The following KCNH8 variants were observed in gnomAD, a reference collection of about 807,000 sequenced individuals.
The protein encoded by KCNH8 is potassium voltage-gated channel subfamily H member 8.
In KCNH8, 70 loss-of-function variants were observed where a neutral mutation model predicts 103.6. The ratio of observed to expected loss-of-function variants is 0.68; its 90% confidence interval spans 0.56 to 0.82. The LOEUF (loss-of-function observed/expected upper bound fraction) is 0.82. Among genes scored for constraint, KCNH8 ranks in the 40% least tolerant of loss-of-function variants. The probability of loss-of-function intolerance (pLI) is 0.00; values close to 1 mark genes in which losing one functional copy is unlikely to be tolerated. For missense variants in KCNH8, 1,217 were observed against 1,329.9 expected, an observed-to-expected ratio of 0.92 and a Z score of 1.32; for synonymous variants, 498 against 489.4, an observed-to-expected ratio of 1.02 and a Z score of -0.23.
At chr3:19,183,573 A>G (rs1181546318) in intron 1 of KCNH8, among the ~76,000 whole-genome samples, 1 of 152,198 alleles carries the variant, frequency 6.6e-6, no homozygotes, top group Non-Finnish European at 1.5e-5. Flanking sequence ...ATAAACAAAT[A>G]ACTAAAATTT....
At chr3:19,506,836 A>T (rs545990614) in intron 11 of KCNH8, among the ~76,000 whole-genome samples, 86 of 151,880 alleles carry the variant, frequency 5.7e-4, no homozygotes, top group African/African-American at 1.9e-3. Flanking sequence ...AGCTGGGGGC[A>T]CCCTACCTGA....
At position 19,227,057 on chromosome 3, in the gene KCNH8, A is replaced by G. The variant is rs376806010; in HGVS notation, c.77-26597A>G. 1.3e-4 allele frequency among the ~76,000 whole-genome samples: 20 copies of G among 152,232 alleles called. No individual in the cohort carries two copies. In the East Asian group the frequency reaches 2.7e-3, roughly 21 times the overall value. ...CCAGTGACACTTTCAAATCATTGCAATCACTGGAATTTATTGTTTATACTC... is the reference window on the plus strand; with the variant it reads ...CCAGTGACACTTTCAAATCATTGCAGTCACTGGAATTTATTGTTTATACTC... On this transcript the variant is annotated intron_variant, in intron 1 of 15. Transcript: ENST00000328405.
chr3:19,448,982 A>T, intron 8 of KCNH8: 1 of 1,285,492 alleles, frequency 7.8e-7, no homozygotes, highest in Non-Finnish European at 1.0e-6. Flanking sequence ...TGGTTTAGAA[A>T]CCATTTCGGT....
chr3:19,530,396 AT>A lies in KCNH8; in HGVS notation c.2620-2998del, dbSNP rs146496984. 4.7e-3 allele frequency among the ~76,000 whole-genome samples: 721 copies of A among 152,290 alleles called. 9 individuals are homozygous for A. The highest frequency in any genetic ancestry group is 0.016 in the African/African-American group (677 of 41,562). On this transcript the variant is annotated intron_variant, in intron 15 of 15. Coordinates refer to ENST00000328405, the MANE Select transcript of KCNH8 (RefSeq NM_144633.3). ...ATTATACACTGTATTCATATATAAAATATCACATGCATCCTATAAATATGTA... is the reference window on the plus strand; with the variant it reads ...ATTATACACTGTATTCATATATAAAAATCACATGCATCCTATAAATATGTA...
rs372400109 is a variant in KCNH8, at chr3:19,454,144, CTGTGTGTGTGTGTGTG to C, written c.1826-2586_1826-2571del. The stretch of plus-strand genomic sequence containing the variant: ...GTAACTCAATATTAGAGTAAGGCTT[CTGTGTGTGTGTGTGTG>C]TGTGTGTGTGTGTGTGTGTGTGTGT... On this transcript the variant is annotated intron_variant, in intron 10 of 15. Coordinates refer to ENST00000328405, the MANE Select transcript of KCNH8 (RefSeq NM_144633.3). Among the ~76,000 whole-genome samples, 151 of 131,604 alleles carry C rather than the reference CTGTGTGTGTGTGTGTG, an allele frequency of 1.1e-3. 1 individual carries two copies. Among genetic ancestry groups the C allele is most frequent in the East Asian group, 5.0e-3 (22 of 4,412 alleles). 86.3% of individuals were successfully genotyped at this position (131,604 alleles called of 152,430 possible).
At chr3:19,440,098 C>G (rs1305032844) in intron 8 of KCNH8, among the ~76,000 whole-genome samples, 1 of 151,958 alleles carries the variant, frequency 6.6e-6, no homozygotes, top group Non-Finnish European at 1.5e-5. Flanking sequence ...CTAAGGAGAA[C>G]CAACATATGT....
chr3:19,515,319 T>G lies in KCNH8; in HGVS notation c.2436-3T>G. The stretch of plus-strand genomic sequence containing the variant: ...GCCAGCCAATTTCCTTTATTTTAAG[T>G]AGGATTGTTGATGGAATTGAAGATG... On this transcript the variant is annotated splice_region_variant and splice_polypyrimidine_tract_variant and intron_variant, in intron 13 of 15. Coordinates refer to ENST00000328405, the MANE Select transcript of KCNH8 (RefSeq NM_144633.3). The G allele has an allele frequency of 6.4e-7, 1 of 1,559,054 alleles. No individual in the cohort carries two copies. Among genetic ancestry groups the G allele is most frequent in the South Asian group, 1.2e-5 (1 of 85,310 alleles).
At chr3:19,198,839 A>T (rs1208001551) in intron 1 of KCNH8, among the ~76,000 whole-genome samples, 1 of 152,088 alleles carries the variant, frequency 6.6e-6, no homozygotes. Flanking sequence ...GAGATGAATT[A>T]GCTGTCTCAC....
At chr3:19,400,565 C>A (rs954640724) in intron 7 of KCNH8, among the ~76,000 whole-genome samples, 1 of 151,818 alleles carries the variant, frequency 6.6e-6, no homozygotes, top group African/African-American at 2.4e-5. Flanking sequence ...TATCTCTTAC[C>A]CTTTGGCTGG....
At chr3:19,497,530 T>C (rs2068470192) in intron 11 of KCNH8, among the ~76,000 whole-genome samples, 1 of 152,312 alleles carries the variant, frequency 6.6e-6, no homozygotes, top group African/African-American at 2.4e-5. Flanking sequence ...GTTGTTTAAT[T>C]TCCATGTAAC....
At chr3:19,255,437 C>T (rs2064334788) in intron 2 of KCNH8, among the ~76,000 whole-genome samples, 1 of 152,048 alleles carries the variant, frequency 6.6e-6, no homozygotes, top group Admixed American at 6.6e-5. Flanking sequence ...TCCTCTTTTC[C>T]TATTTGAATA....
chr3:19,501,567 C>G (rs746305599), intron 11 of KCNH8, among the ~76,000 whole-genome samples: 19 of 152,186 alleles, frequency 1.2e-4, no homozygotes, highest in African/African-American at 4.1e-4. Flanking sequence ...ACATCAAAAA[C>G]GTTATCCACC....
chr3:19,173,499 A>C (rs1406595594), intron 1 of KCNH8, among the ~76,000 whole-genome samples: 1 of 152,220 alleles, frequency 6.6e-6, no homozygotes, highest in Non-Finnish European at 1.5e-5. Context: ...TTTATAATTA[A>C]AATTTTGAGG....
At chr3:19,236,854 A>C (rs1443689311) in intron 1 of KCNH8, among the ~76,000 whole-genome samples, 3 of 152,256 alleles carry the variant, frequency 2.0e-5, no homozygotes, top group Admixed American at 6.5e-5. Flanking sequence ...TGTGCCATAC[A>C]TATATTATGC....
In KCNH8 at chr3:19,451,308, T is replaced by C. The variant is rs762913588; in HGVS notation, c.1729T>C (p.Tyr577His). 1 of 1,613,806 alleles carries C rather than the reference T, an allele frequency of 6.2e-7. No homozygotes were observed. The highest frequency in any genetic ancestry group is 1.1e-5 in the South Asian group (1 of 91,072). The change falls in exon 10 of 16, where the codon TAT (tyrosine) becomes CAT (histidine). Residue 577 changes from tyrosine (Y) to histidine (H), a missense_variant. Tyr to His is a moderately conservative substitution (Grantham distance 83). Around this residue, in one of 3 missense-constraint regions of KCNH8, gnomAD observed 415 missense variants for 577.4 expected, o/e 0.72. Coordinates refer to ENST00000328405, the MANE Select transcript of KCNH8 (RefSeq NM_144633.3). ...AACCTCTTTCTGTGCTCCGGGGGAG[T>C]ATCTGCTGCGTCAAGGGGATGCTTT... ...IKTSFCAPGEYLLRQGDALQA... is the reference protein window; with the variant it reads ...IKTSFCAPGEHLLRQGDALQA...
intron 4 of KCNH8, among the ~76,000 whole-genome samples, chr3:19,343,837 G>A (rs994340071): frequency 6.6e-6 from 1 of 152,016 alleles, no homozygotes; most frequent in Non-Finnish European, 1.5e-5. Flanking sequence ...GGTGAGGAAC[G>A]AGATCTGACA....
At chr3:19,503,555 T>G (rs556191213) in intron 11 of KCNH8, among the ~76,000 whole-genome samples, 14 of 152,140 alleles carry the variant, frequency 9.2e-5, no homozygotes, top group South Asian at 2.1e-4. Flanking sequence ...TAGACTGGAT[T>G]AAGAAAATGT....
chr3:19,198,395 T>C (rs1312996552), intron 1 of KCNH8, among the ~76,000 whole-genome samples: 1 of 152,006 alleles, frequency 6.6e-6, no homozygotes, highest in Non-Finnish European at 1.5e-5. Flanking sequence ...GGAACCAACA[T>C]TGCAGTGCAA....
chr3:19,391,204 A>G (rs1293737871), intron 6 of KCNH8, among the ~76,000 whole-genome samples: 1 of 152,106 alleles, frequency 6.6e-6, no homozygotes, highest in Non-Finnish European at 1.5e-5. Flanking sequence ...GTAAAACTTG[A>G]GAGTTCTCTT....
Sources: gnomAD v4.1 joint callset for allele counts (sites outside exome capture counted in the v4.1 genomes callset) on GRCh38, gnomAD v4.1.1 for gene constraint, gnomAD v4.1.1 regional missense constraint, MANE v1.5 for transcripts, NCBI Gene and HGNC (gene_info 2026-07-23, HGNC 2026-07-21) for gene names.